Variants in ZFAND2A observed in about 807,000 individuals in gnomAD.
ZFAND2A encodes the protein AN1-type zinc finger protein 2A.
Under a neutral mutation model 11.6 loss-of-function variants are expected in ZFAND2A, and 20 were observed. The ratio of observed to expected loss-of-function variants is 1.72; its 90% CI spans 1.21 to 2.50. The LOEUF is 2.50. Among genes scored for constraint, ZFAND2A ranks in the 30% most tolerant of loss-of-function variants. The pLI is 0.00. For missense variants in ZFAND2A, 234 were observed against 182.9 expected (o/e 1.28, Z -1.61); for synonymous variants, 93 against 60.6 (o/e 1.54, Z -2.48).
chr7:1,152,523 G>A (rs761894988), downstream of ZFAND2A, among the ~76,000 whole-genome samples: 1 of 152,184 alleles, frequency 6.6e-6, no homozygotes, highest in Non-Finnish European at 1.5e-5. Context: ...TTAGCATTAC[G>A]AGTTGAATCA....
chr7:1,159,929 C>T lies in ZFAND2A; in HGVS notation c.-46+35G>A, dbSNP rs189652773. 670 of 167,386 alleles carry T rather than the reference C, an allele frequency of 4.0e-3. 4 individuals are homozygous for T. The highest frequency in any genetic ancestry group is 0.015 in the African/African-American group (638 of 41,598). The allele number at this position is 167,386 out of a possible 1,614,324, so 10.4% of individuals were successfully genotyped here. A position where few individuals can be genotyped will look rare whatever the true frequency, so the allele number is the denominator to read the frequency against. On this transcript the variant is annotated intron_variant, in intron 1 of 4. Coordinates refer to ENST00000316495, the MANE Select transcript of ZFAND2A (RefSeq NM_182491.4). Reference sequence around the variant, plus strand: ...CTGACCTCAAGGCAGGCCCGACCCCCGGCAGACCCTGTCTGCGCAATCCCG... The same window carrying T: ...CTGACCTCAAGGCAGGCCCGACCCCTGGCAGACCCTGTCTGCGCAATCCCG...
At chr7:1,151,871 G>T (rs537401684), downstream of ZFAND2A, among the ~76,000 whole-genome samples, 13 of 152,060 alleles carry the variant, frequency 8.5e-5, no homozygotes, top group Admixed American at 2.0e-4. Flanking sequence ...GAAGGCGGAA[G>T]TTACCTAGAG....
chr7:1,154,360 C>A (rs1434019626), intron 4 of ZFAND2A, among the ~76,000 whole-genome samples: 1 of 152,010 alleles, frequency 6.6e-6, no homozygotes, highest in South Asian at 2.1e-4. Context: ...AGGAGGGACC[C>A]GTGCAGGGAT....
At chr7:1,153,975 T>C (rs867608987) in intron 4 of ZFAND2A, among the ~76,000 whole-genome samples, 35 of 151,188 alleles carry the variant, frequency 2.3e-4, no homozygotes, top group Middle Eastern at 3.4e-3. Flanking sequence ...CCGGTCAGCA[T>C]TGAAGCTGGG....
At chr7:1,159,539 C>T (rs1389017407) in intron 1 of ZFAND2A, among the ~76,000 whole-genome samples, 10 of 113,898 alleles carry the variant, frequency 8.8e-5, no homozygotes, top group African/African-American at 3.2e-4. Flanking sequence ...AACAGCCAGA[C>T]CCCGGCAGGC....
rs537048766 is a variant in ZFAND2A at position 1,159,923 on chromosome 7, G to A, written c.-46+41C>T. On this transcript the variant is annotated intron_variant, in intron 1 of 4. Coordinates refer to ENST00000316495, the MANE Select transcript of ZFAND2A (RefSeq NM_182491.4). The stretch of plus-strand genomic sequence containing the variant: ...AGCAACCTGACCTCAAGGCAGGCCC[G>A]ACCCCCGGCAGACCCTGTCTGCGCA... 352 of 169,140 alleles carry A rather than the reference G, an allele frequency of 2.1e-3. 6 individuals are homozygous for A. The South Asian group carries it at 0.032, about 15-fold the overall frequency. 10.5% of individuals were successfully genotyped at this position (169,140 alleles called of 1,614,324 possible).
intron 4 of ZFAND2A, among the ~76,000 whole-genome samples, chr7:1,153,897 T>G (rs1053408416): frequency 3.3e-5 from 5 of 151,906 alleles, no homozygotes; most frequent in Non-Finnish European, 7.4e-5. Context: ...GCTGAGATTG[T>G]GCCACTGCAC....
At chr7:1,154,273 G>A (rs913860538) in intron 4 of ZFAND2A, among the ~76,000 whole-genome samples, 1 of 151,748 alleles carries the variant, frequency 6.6e-6, no homozygotes, top group Non-Finnish European at 1.5e-5. Context: ...GCAGTGAGGA[G>A]AGTGGGGAGG....
intron 1 of ZFAND2A, 93 bp from the exon 2 acceptor site, chr7:1,158,350 A>C: frequency 2.6e-6 from 2 of 781,386 alleles, no homozygotes; most frequent in Non-Finnish European, 4.3e-6. Flanking sequence ...AAGTCAACAA[A>C]CGCACTGTGT....
chr7:1,150,510 G>A (rs1254073100), downstream of ZFAND2A, among the ~76,000 whole-genome samples: 4 of 152,166 alleles, frequency 2.6e-5, no homozygotes. Context: ...GCGGCTGTCA[G>A]TATAAATCTA....
intron 1 of ZFAND2A, among the ~76,000 whole-genome samples, chr7:1,159,159 A>T (rs1793611142): frequency 1.3e-5 from 2 of 152,048 alleles, no homozygotes; most frequent in African/African-American, 4.8e-5. Flanking sequence ...CTTCGCCCAC[A>T]GCTTCCAACT....
chr7:1,156,121 A>G (rs1584028006), intron 3 of ZFAND2A, among the ~76,000 whole-genome samples: 1 of 114,700 alleles, frequency 8.7e-6, no homozygotes, highest in South Asian at 2.3e-4. Context: ...CCGCCCAGCA[A>G]GGCTAAAAAC....
At position 1,157,689 on chromosome 7, in the gene ZFAND2A, G is replaced by A. The variant is rs148609847; in HGVS notation, c.117C>T (p.Tyr39=). ...ATGCAAACGGACACTTATGTGCAGC[G>A]TATGGAAAATGATCTTTACAGAAAT... ...KQDFCKDHFP[Y]AAHKCPFAFQ... The change falls in exon 3 of 5, where the codon TAC becomes TAT. Residue 39 remains tyrosine (Y), a synonymous_variant. Coordinates refer to ENST00000316495, the MANE Select transcript of ZFAND2A (RefSeq NM_182491.4). The A allele has an allele frequency of 2.0e-4, 313 of 1,568,286 alleles. No individual in the cohort carries two copies. Among genetic ancestry groups the A allele is most frequent in the Non-Finnish European group, 2.4e-4 (281 of 1,162,810 alleles).
At chr7:1,152,152 G>A (rs1393855883), downstream of ZFAND2A, 15 of 1,417,736 alleles carry the variant, frequency 1.1e-5, no homozygotes, top group Admixed American at 7.1e-5. Context: ...CTGGAGCATC[G>A]CGTCACACTG....
At chr7:1,152,374 C>T (rs1793415641), downstream of ZFAND2A, 4 of 1,511,512 alleles carry the variant, frequency 2.6e-6, no homozygotes, top group Non-Finnish European at 3.6e-6. Context: ...ATCAGCTCAG[C>T]CTCCATGTGC....
chr7:1,157,626 T>C, intron 3 of ZFAND2A, 30 bp downstream of exon 3: 2 of 1,567,554 alleles, frequency 1.3e-6, no homozygotes, highest in Non-Finnish European at 1.7e-6. Flanking sequence ...ACGGTGAAGA[T>C]GAGAATCTTT....
At chr7:1,158,800 C>G (rs1406073184) in intron 1 of ZFAND2A, among the ~76,000 whole-genome samples, 2 of 152,158 alleles carry the variant, frequency 1.3e-5, no homozygotes, top group Non-Finnish European at 2.9e-5. Flanking sequence ...GGAAAACAGG[C>G]AGACAGCTGG....
At chr7:1,153,468 T>C (rs759891853) in intron 4 of ZFAND2A, among the ~76,000 whole-genome samples, 10 of 152,174 alleles carry the variant, frequency 6.6e-5, no homozygotes, top group Non-Finnish European at 1.2e-4. Flanking sequence ...GGTCTCAAAC[T>C]CAGCCTCAGG....
At chr7:1,150,656 T>G (rs896893489), downstream of ZFAND2A, among the ~76,000 whole-genome samples, 1 of 152,168 alleles carries the variant, frequency 6.6e-6, no homozygotes, top group African/African-American at 2.4e-5. Context: ...TCCCTCCCGT[T>G]TTGGCTTTCT....
Sources: allele counts gnomAD v4.1 joint callset (sites outside exome capture counted in the v4.1 genomes callset), GRCh38; gene constraint gnomAD v4.1.1; transcripts MANE v1.5; gene names NCBI Gene and HGNC (gene_info 2026-07-23, HGNC 2026-07-21).